Variants in ZBTB20 observed in about 807,000 individuals in gnomAD.
ZBTB20 encodes zinc finger and BTB domain-containing protein 20.
A neutral mutation model predicts 56.9 loss-of-function variants in ZBTB20; 9 were observed. The ratio of observed to expected loss-of-function variants is 0.16; its 90% CI spans 0.10 to 0.28. The LOEUF (loss-of-function observed/expected upper bound fraction) is 0.28, where lower values mean the gene tolerates loss of function less well. ZBTB20 is among the 10% of genes least tolerant of loss of function. The pLI is 1.00. For synonymous variants in ZBTB20, 417 were observed against 420.7 expected (o/e 0.99, Z 0.11); for missense variants, 655 against 1,003.0 (o/e 0.65, Z 4.69).
rs375635601 is a variant in ZBTB20 at position 114,574,237 on chromosome 3, T to G, written c.-294-73846A>C. ...CTTTTTTCTCTTTTATAAATGACATTGTGATAAACACCTCTGTACCTAAAT... is the reference window on the plus strand; with the variant it reads ...CTTTTTTCTCTTTTATAAATGACATGGTGATAAACACCTCTGTACCTAAAT... On this transcript the variant is annotated intron_variant, in intron 6 of 11. Transcript: ENST00000675478. 2.0e-4 allele frequency among the ~76,000 whole-genome samples: 30 copies of G among 152,308 alleles called. No individual in the cohort carries two copies. In the East Asian group the frequency reaches 5.2e-3, roughly 26 times the overall value.
At chr3:115,023,404 A>C (rs1490174862) in intron 2 of ZBTB20, among the ~76,000 whole-genome samples, 1 of 150,688 alleles carries the variant, frequency 6.6e-6, no homozygotes, top group East Asian at 1.9e-4. Flanking sequence ...CCATCTTTCT[A>C]TGCCTGTGCC....
chr3:114,471,560 T>C (rs1057017330), intron 7 of ZBTB20, among the ~76,000 whole-genome samples: 7 of 152,140 alleles, frequency 4.6e-5, no homozygotes, highest in African/African-American at 1.7e-4. Flanking sequence ...GTCTGATATA[T>C]GGGGGTGTCA....
chr3:114,559,221 A>G (rs2051676759), intron 6 of ZBTB20, among the ~76,000 whole-genome samples: 2 of 152,330 alleles, frequency 1.3e-5, no homozygotes, highest in South Asian at 4.1e-4. Flanking sequence ...AATAGTAAAC[A>G]AGGCCAATAT....
intron 7 of ZBTB20, among the ~76,000 whole-genome samples, chr3:114,468,371 C>T (rs1381933275): frequency 2.6e-5 from 4 of 152,132 alleles, no homozygotes; most frequent in Non-Finnish European, 5.9e-5. Context: ...AGGGGACCCA[C>T]AAAAGCTGCC....
intron 3 of ZBTB20, among the ~76,000 whole-genome samples, chr3:114,929,716 C>A (rs565073138): frequency 1.5e-4 from 23 of 152,254 alleles, no homozygotes; most frequent in African/African-American, 5.5e-4. Context: ...CTTTCTAAAT[C>A]GTTTTATTTA....
chr3:114,561,450 C>T (rs917740218), intron 6 of ZBTB20, among the ~76,000 whole-genome samples: 1 of 152,074 alleles, frequency 6.6e-6, no homozygotes, highest in African/African-American at 2.4e-5. Flanking sequence ...ATCAAAATTA[C>T]CCCTTGATCC....
intron 5 of ZBTB20, among the ~76,000 whole-genome samples, chr3:114,770,158 C>A (rs1045651121): frequency 2.6e-5 from 4 of 151,806 alleles, no homozygotes; most frequent in Admixed American, 2.6e-4. Context: ...GTGTATGCTG[C>A]TTGGGTGATG....
intron 5 of ZBTB20, among the ~76,000 whole-genome samples, chr3:114,766,322 T>C (rs2068784773): frequency 6.6e-6 from 1 of 152,040 alleles, no homozygotes; most frequent in African/African-American, 2.4e-5. Flanking sequence ...TGTAGACAGG[T>C]AAGAAAGACA....
At chr3:114,399,836 G>T (rs1043453240) in intron 7 of ZBTB20, among the ~76,000 whole-genome samples, 1 of 152,088 alleles carries the variant, frequency 6.6e-6, no homozygotes, top group African/African-American at 2.4e-5. Context: ...TTCACTCTTG[G>T]TGGGGGCAGG....
chr3:114,852,865 A>G (rs1248167509), intron 4 of ZBTB20, among the ~76,000 whole-genome samples: 2 of 152,102 alleles, frequency 1.3e-5, no homozygotes, highest in East Asian at 3.8e-4. Flanking sequence ...TTTTGGTACC[A>G]TATTTCCTGT....
chr3:114,350,627 G>C lies in ZBTB20; in HGVS notation c.1451C>G (p.Thr484Ser), dbSNP rs1006124149. 6.2e-7 allele frequency: 1 copy of C among 1,614,104 alleles called. No individual in the cohort carries two copies. Among genetic ancestry groups the C allele is most frequent in the African/African-American group, 1.3e-5 (1 of 74,936 alleles). Residue 484 changes from threonine to serine, a missense_variant, in exon 11 of 12, where the codon ACC becomes AGC. Transcript: ENST00000675478. ...QLYLRQTETL[T>S]SNLRMPLTLT... is the part of the protein sequence containing the mutation. ...GGTCAGAGGCATCCTCAGGTTGCTG[G>C]TGAGGGTTTCTGTCTGGCGTAAGTA... is the stretch of plus-strand genomic sequence containing the variant.
At chr3:115,016,365 G>A (rs535051174) in intron 2 of ZBTB20, among the ~76,000 whole-genome samples, 11 of 152,000 alleles carry the variant, frequency 7.2e-5, no homozygotes, top group East Asian at 3.9e-4. Context: ...TGCTTTTAGC[G>A]TTTTTGTCAT....
chr3:114,416,040 T>C (rs937185055), intron 7 of ZBTB20, among the ~76,000 whole-genome samples: 1 of 152,088 alleles, frequency 6.6e-6, no homozygotes, highest in African/African-American at 2.4e-5. Flanking sequence ...AACAGAAGTC[T>C]GCTTCCATTG....
intron 4 of ZBTB20, among the ~76,000 whole-genome samples, chr3:114,833,225 G>A (rs1392764534): frequency 1.3e-5 from 2 of 152,004 alleles, no homozygotes; most frequent in South Asian, 2.1e-4. Flanking sequence ...TCAGGTTGCC[G>A]AATACTAACA....
intron 5 of ZBTB20, among the ~76,000 whole-genome samples, chr3:114,734,156 T>TTA (rs1254469734): frequency 6.6e-6 from 1 of 151,712 alleles, no homozygotes; most frequent in Non-Finnish European, 1.5e-5. Flanking sequence ...TACAAAAAGA[T>TTA]TATCAAATAG....
At position 114,420,369 on chromosome 3, in the gene ZBTB20, T is replaced by C. The variant is rs4547672; in HGVS notation, c.-254-31264A>G. Among the ~76,000 whole-genome samples the C allele has an allele frequency of 4.9e-3, 740 of 152,256 alleles. 9 individuals carry two copies. The highest frequency in any genetic ancestry group is 0.023 in the Admixed American group (348 of 15,284). On this transcript the variant is annotated intron_variant, in intron 7 of 11. Coordinates refer to ENST00000675478, the MANE Select transcript of ZBTB20 (RefSeq NM_001348800.3). Reference sequence around the variant, plus strand: ...TAAAGAAACACAAAGAAATCAGTGTTGCATTTTAAAGATGCTTCTTATCCC... The same window carrying C: ...TAAAGAAACACAAAGAAATCAGTGTCGCATTTTAAAGATGCTTCTTATCCC...
intron 6 of ZBTB20, among the ~76,000 whole-genome samples, chr3:114,597,917 T>C (rs1203790876): frequency 6.6e-6 from 1 of 152,146 alleles, no homozygotes; most frequent in Non-Finnish European, 1.5e-5. Context: ...TTAGATTTCC[T>C]GCCATGGGAA....
chr3:115,125,071 G>T (rs2084287845), intron 1 of ZBTB20, among the ~76,000 whole-genome samples: 1 of 151,812 alleles, frequency 6.6e-6, no homozygotes, highest in South Asian at 2.1e-4. Context: ...GGCCAGGCAT[G>T]CTGGCTTATG....
rs528419432 is a variant in ZBTB20 at position 114,317,265 on chromosome 3, G to A, written c.*21740C>T. 5 of 152,338 alleles carry A rather than the reference G, an allele frequency of 3.3e-5. No individual in the cohort carries two copies. The East Asian group carries it at 9.6e-4, about 29-fold the overall frequency. 9.4% of individuals were successfully genotyped at this position (152,338 alleles called of 1,614,324 possible). A position where few individuals can be genotyped will look rare whatever the true frequency, so the allele number is the denominator to read the frequency against. On this transcript the variant is annotated 3_prime_UTR_variant, in exon 12 of 12. Coordinates refer to ENST00000675478, the MANE Select transcript of ZBTB20 (RefSeq NM_001348800.3). ...TAAAATATTGCATGTGATACCATTC[G>A]TTTGTGTGTACCTAAAGTGTGTCAA... is the stretch of plus-strand genomic sequence containing the variant.
Sources: allele counts gnomAD v4.1 joint callset (sites outside exome capture counted in the v4.1 genomes callset), GRCh38; gene constraint gnomAD v4.1.1; transcripts MANE v1.5; gene names NCBI Gene and HGNC (gene_info 2026-07-23, HGNC 2026-07-21).